USP53: variants seen among roughly 807,000 people sequenced by gnomAD.
The protein encoded by USP53 is ubiquitin carboxyl-terminal hydrolase 53.
USP53 carries 71 observed loss-of-function variants against 94.9 expected under a neutral mutation model. The ratio of observed to expected loss-of-function variants is 0.75; its 90% CI spans 0.62 to 0.91. The LOEUF is 0.91. Ranked by LOEUF, USP53 falls within the 40% of genes least tolerant of loss-of-function variation. The pLI is 0.00. For synonymous variants in USP53, 375 were observed against 422.7 expected (o/e 0.89, Z 1.39); for missense variants, 1,173 against 1,281.0 (o/e 0.92, Z 1.29).
At chr4:119,245,510 G>T in intron 6 of USP53, 81 bp downstream of exon 6, 1 of 1,184,246 alleles carries the variant, frequency 8.4e-7, no homozygotes, top group Admixed American at 1.8e-5. Flanking sequence ...TCAGTTTGTT[G>T]TAACTAAAGT....
At chr4:119,289,885 C>G (rs28555550) in intron 17 of USP53, among the ~76,000 whole-genome samples, 42,561 of 151,908 alleles carry the variant, frequency 0.28, 6,130 homozygotes, top group East Asian at 0.38. Flanking sequence ...TCATCTCTAC[C>G]TTTTAAAATA....
At chr4:119,287,385 A>G (rs1644539609) in intron 17 of USP53, among the ~76,000 whole-genome samples, 1 of 152,126 alleles carries the variant, frequency 6.6e-6, no homozygotes, top group African/African-American at 2.4e-5. Context: ...CATGTATATT[A>G]CATGACTCTT....
intron 12 of USP53, among the ~76,000 whole-genome samples, chr4:119,263,654 A>G (rs1223285947): frequency 3.3e-5 from 5 of 152,160 alleles, no homozygotes; most frequent in Non-Finnish European, 5.9e-5. Context: ...TCCCCACCAT[A>G]AAGAGTGGAG....
chr4:119,246,355 A>T (rs540134006), intron 6 of USP53, among the ~76,000 whole-genome samples: 15 of 152,294 alleles, frequency 9.8e-5, no homozygotes, highest in Admixed American at 6.5e-4. Flanking sequence ...AGCCACCATG[A>T]TGAGGAAGCC....
In USP53 at chr4:119,292,840, G is replaced by C. The variant is rs761451553; in HGVS notation, c.2851G>C (p.Val951Leu). Residue 951 changes from valine (V) to leucine (L), a missense_variant, in exon 19 of 19, where the codon GTG becomes CTG. Coordinates refer to ENST00000692078, the MANE Select transcript of USP53 (RefSeq NM_001371395.1). Reference sequence around the variant, plus strand: ...TACACCTGATGTCAAACTTACAGAGGTGTTTAAAGCTACCTCTCATCTTCC... The same window carrying C: ...TACACCTGATGTCAAACTTACAGAGCTGTTTAAAGCTACCTCTCATCTTCC... Reference protein sequence around the residue: ...ESTPDVKLTEVFKATSHLPKH... With the variant: ...ESTPDVKLTELFKATSHLPKH... 6.2e-7 allele frequency: 1 copy of C among 1,613,986 alleles called. No individual in the cohort carries two copies. Among genetic ancestry groups the C allele is most frequent in the Non-Finnish European group, 8.5e-7 (1 of 1,179,984 alleles).
intron 3 of USP53, chr4:119,218,778 A>C (rs1308199051): frequency 2.0e-5 from 3 of 152,128 alleles, no homozygotes; most frequent in Admixed American, 2.0e-4. Flanking sequence ...GAAGATGAAG[A>C]GTTTTTTTGT....
rs943114462 is a variant in USP53, at chr4:119,249,894, G to A, written c.372+1012G>A. ...TTAGCCAGGATGGTCTCGATCTCCT[G>A]ACCTCGTGATCTGCCTGCCTCAGCC... On this transcript the variant is annotated intron_variant, in intron 7 of 18. Coordinates refer to ENST00000692078, the MANE Select transcript of USP53 (RefSeq NM_001371395.1). 2.0e-5 allele frequency among the ~76,000 whole-genome samples: 3 copies of A among 151,938 alleles called. No homozygotes were observed. The South Asian group carries it at 6.2e-4, about 32-fold the overall frequency.
chr4:119,293,381 A>T lies in USP53; in HGVS notation c.*170A>T. 1 of 698,244 alleles carries T rather than the reference A, an allele frequency of 1.4e-6. No homozygotes were observed. The highest frequency in any genetic ancestry group is 2.3e-5 in the South Asian group (1 of 42,708). The allele number at this position is 698,244 out of a possible 1,614,324, so 43.3% of individuals were successfully genotyped here. A position where few individuals can be genotyped will look rare whatever the true frequency, so the allele number is the denominator to read the frequency against. On this transcript the variant is annotated 3_prime_UTR_variant, in exon 19 of 19. Coordinates refer to ENST00000692078, the MANE Select transcript of USP53 (RefSeq NM_001371395.1). ...AGGAACCTACTGACCAAACCTAGTG[A>T]TACATAAAATTAAAGCCTGTGGCAT...
At chr4:119,226,385 A>G (rs542957995) in intron 3 of USP53, among the ~76,000 whole-genome samples, 1 of 152,368 alleles carries the variant, frequency 6.6e-6, no homozygotes, top group South Asian at 2.1e-4. Flanking sequence ...AAAAGTATCT[A>G]AGAAATCTAT....
rs1446688380 is a variant in USP53, at chr4:119,294,584, C to T, written c.*1373C>T. 1 of 152,086 alleles carries T rather than the reference C, an allele frequency of 6.6e-6. No homozygotes were observed. The highest frequency in any genetic ancestry group is 1.5e-5 in the Non-Finnish European group (1 of 67,954). 9.4% of individuals were successfully genotyped at this position (152,086 alleles called of 1,614,324 possible). Reference sequence around the variant, plus strand: ...AGAAACAGAACTAAAGTTTTCCTTACATTGCTAAATGGATAAACCTCATAT... The same window carrying T: ...AGAAACAGAACTAAAGTTTTCCTTATATTGCTAAATGGATAAACCTCATAT... On this transcript the variant is annotated 3_prime_UTR_variant, in exon 19 of 19. Transcript: ENST00000692078.
intron 3 of USP53, among the ~76,000 whole-genome samples, chr4:119,229,009 T>C (rs186493331): frequency 6.6e-6 from 1 of 152,304 alleles, no homozygotes; most frequent in East Asian, 1.9e-4. Flanking sequence ...CTATAGACCT[T>C]CTGTTAGAGT....
Position 119,288,214 on chromosome 4 carries a change from A to G in USP53, c.2252-2951A>G, listed in dbSNP as rs189897759. On this transcript the variant is annotated intron_variant, in intron 17 of 18. Coordinates refer to ENST00000692078, the MANE Select transcript of USP53 (RefSeq NM_001371395.1). ...AATATTTATTCATTTAAAGAAATAAACCCAGTACATGCTAACACAAATAAC... is the reference window on the plus strand; with the variant it reads ...AATATTTATTCATTTAAAGAAATAAGCCCAGTACATGCTAACACAAATAAC... Among the ~76,000 whole-genome samples, 753 of 152,370 alleles carry G rather than the reference A, an allele frequency of 4.9e-3. 1 individual carries two copies. The highest frequency in any genetic ancestry group is 8.6e-3 in the Non-Finnish European group (582 of 68,032).
chr4:119,223,483 T>A (rs1744823078), intron 3 of USP53, among the ~76,000 whole-genome samples: 1 of 152,190 alleles, frequency 6.6e-6, no homozygotes, highest in East Asian at 1.9e-4. Flanking sequence ...ATATCCCAAT[T>A]TGAAGATCGC....
In USP53 at chr4:119,270,052, TTA is replaced by T. The variant is rs1491014764; in HGVS notation, c.1435+220_1435+221del. ...TATAAATATATAAATTATATATAAT[TTA>T]TATAGTTTATATATAGAAATTAAAT... On this transcript the variant is annotated intron_variant, in intron 15 of 18. Coordinates refer to ENST00000692078, the MANE Select transcript of USP53 (RefSeq NM_001371395.1). 4.8e-5 allele frequency among the ~76,000 whole-genome samples: 7 copies of T among 147,252 alleles called. No individual in the cohort carries two copies. In the Admixed American group the frequency reaches 4.8e-4, roughly 10 times the overall value.
At chr4:119,268,189 A>AG (rs1751413100) in intron 13 of USP53, 79 bp from the exon 14 acceptor site, 2 of 1,432,142 alleles carry the variant, frequency 1.4e-6, no homozygotes, top group Admixed American at 4.8e-5. Flanking sequence ...AAAAAAAAAA[A>AG]AAAATCTGAA....
intron 11 of USP53, among the ~76,000 whole-genome samples, chr4:119,260,948 CTCTTTTTTTTT>C (rs1404676528): frequency 8.7e-6 from 1 of 115,004 alleles, no homozygotes; most frequent in African/African-American, 3.3e-5. Context: ...ACTGATCTCT[CTCTTTTTTTTT>C]TTTTTTTTTT....
At position 119,291,155 on chromosome 4, in the gene USP53, C is replaced by CAAGG; in HGVS notation, c.2252-10_2252-9insAAGG. 1 of 1,289,270 alleles carries CAAGG rather than the reference C, an allele frequency of 7.8e-7. No individual in the cohort carries two copies. The highest frequency in any genetic ancestry group is 1.1e-6 in the Non-Finnish European group (1 of 940,124). The allele number at this position is 1,289,270 out of a possible 1,614,324, so 79.9% of individuals were successfully genotyped here. A position where few individuals can be genotyped will look rare whatever the true frequency, so the allele number is the denominator to read the frequency against. ...TCCTCATCTCTTCTCCCCACCCCAC[C>CAAGG]CAACCCTAGGCTTTAGAAAAGAACT... On this transcript the variant is annotated splice_polypyrimidine_tract_variant and intron_variant, in intron 17 of 18. Transcript: ENST00000692078.
At chr4:119,265,588 C>T (rs2011322) in intron 12 of USP53, among the ~76,000 whole-genome samples, 151,083 of 152,150 alleles carry the variant, frequency 0.99, 75,014 homozygotes, top group East Asian at 1. Flanking sequence ...TGAGAATCCC[C>T]TGAACCTGGG....
At chr4:119,221,253 A>C (rs1008303446) in intron 3 of USP53, 1 of 152,128 alleles carries the variant, frequency 6.6e-6, no homozygotes, top group Non-Finnish European at 1.5e-5. Context: ...TAGAAAATCA[A>C]AACTGTTGTA....
Sources: allele counts gnomAD v4.1 joint callset (sites outside exome capture counted in the v4.1 genomes callset), GRCh38; gene constraint gnomAD v4.1.1; transcripts MANE v1.5; gene names NCBI Gene and HGNC (gene_info 2026-07-23, HGNC 2026-07-21).